ERCC1: variants seen among roughly 807,000 people sequenced by gnomAD.
The protein encoded by ERCC1 is ERCC excision repair 1, endonuclease non-catalytic subunit, also known as DNA excision repair protein ERCC-1.
Under a neutral mutation model 37.6 loss-of-function variants are expected in ERCC1, and 36 were observed. The observed-to-expected ratio is 0.96, with a 90% CI of 0.73 to 1.26. ERCC1 has a LOEUF of 1.26. ERCC1 is among the 50% of genes most tolerant of loss of function. The probability of loss-of-function intolerance (pLI) is 0.00; values close to 1 mark genes in which losing one functional copy is unlikely to be tolerated. For missense variants in ERCC1, 349 were observed against 376.5 expected, an observed-to-expected ratio of 0.93 and a Z score of 0.60; for synonymous variants, 156 against 162.1, an observed-to-expected ratio of 0.96 and a Z score of 0.28.
rs56190529 is a variant in ERCC1 at position 45,423,643 on chromosome 19, C to T, written c.-8+138G>A. The stretch of plus-strand genomic sequence containing the variant: ...ATTCTATTGGCTCCGTCCCCACCAT[C>T]CCCCGCCTTCCGTTCGTCCGGCCCC... On this transcript the variant is annotated intron_variant, in intron 1 of 9. Transcript: ENST00000300853. The T allele has an allele frequency of 5.3e-4, 691 of 1,303,954 alleles. 6 individuals are homozygous for T. In the African/African-American group the frequency reaches 9.2e-3, roughly 17 times the overall value. The allele number at this position is 1,303,954 out of a possible 1,614,324, so 80.8% of individuals were successfully genotyped here. A position where few individuals can be genotyped will look rare whatever the true frequency, so the allele number is the denominator to read the frequency against.
chr19:45,408,849 AG>A lies in ERCC1; in HGVS notation c.*825del. On this transcript the variant is annotated 3_prime_UTR_variant, in exon 10 of 10. Transcript: ENST00000300853. ...CCGACCAAAAAGAGAAAGAGGCAAA[AG>A]GGGACGGAAGGGATGGAGCCAGAGG... 6.2e-7 allele frequency: 1 copy of A among 1,614,146 alleles called. No homozygotes were observed.
chr19:45,417,349 C>T (rs912235237), intron 5 of ERCC1, among the ~76,000 whole-genome samples: 3 of 152,022 alleles, frequency 2.0e-5, no homozygotes, highest in African/African-American at 7.2e-5. Context: ...ATGTGGGAGC[C>T]AGAGGAGGGA....
intron 4 of ERCC1, among the ~76,000 whole-genome samples, chr19:45,419,855 T>C (rs531401984): frequency 1.8e-4 from 27 of 150,610 alleles, no homozygotes; most frequent in African/African-American, 6.4e-4. Flanking sequence ...CCCTCCTCCC[T>C]TAGACCCAGG....
chr19:45,413,306 A>T, intron 9 of ERCC1: 1 of 510,352 alleles, frequency 2.0e-6, no homozygotes, highest in Non-Finnish European at 3.5e-6. Context: ...TCGCTCTGTC[A>T]CCCAGGCTGG....
At chr19:45,429,297 C>T (rs1012355533) in intron 1 of ERCC1, 1 of 152,178 alleles carries the variant, frequency 6.6e-6, no homozygotes, top group Non-Finnish European at 1.5e-5. Flanking sequence ...CTCATCTCTA[C>T]TAAAAACACA....
intron 9 of ERCC1, among the ~76,000 whole-genome samples, chr19:45,411,058 A>G (rs1330499996): frequency 6.6e-6 from 1 of 152,036 alleles, no homozygotes; most frequent in Non-Finnish European, 1.5e-5. Flanking sequence ...TTCTGGCCTC[A>G]AGTGATCTGC....
upstream of ERCC1, chr19:45,423,918 G>T: frequency 9.1e-7 from 1 of 1,099,714 alleles, no homozygotes; most frequent in Non-Finnish European, 1.1e-6. Context: ...CAGCACTTCC[G>T]GCCTCTCTGG....
At position 45,407,678 on chromosome 19, in the gene ERCC1, G is replaced by A. The variant is rs533771641; in HGVS notation, c.*1997C>T. Reference sequence around the variant, plus strand: ...ATAATTGGTGGTCAGCCTGGGATGTGGTTATTTTCAGGCCATAAGCATGAA... The same window carrying A: ...ATAATTGGTGGTCAGCCTGGGATGTAGTTATTTTCAGGCCATAAGCATGAA... On this transcript the variant is annotated 3_prime_UTR_variant, in exon 10 of 10. Transcript: ENST00000300853. 11 of 251,414 alleles carry A rather than the reference G, an allele frequency of 4.4e-5. No homozygotes were observed. The South Asian group carries it at 1.3e-3, about 31-fold the overall frequency. The allele number at this position is 251,414 out of a possible 1,614,324, so 15.6% of individuals were successfully genotyped here.
At position 45,414,044 on chromosome 19, in the gene ERCC1, G is replaced by A. The variant is rs775237042; in HGVS notation, c.703-10C>T. 6.2e-7 allele frequency: 1 copy of A among 1,611,164 alleles called. No homozygotes were observed. The highest frequency in any genetic ancestry group is 8.5e-7 in the Non-Finnish European group (1 of 1,179,096). On this transcript the variant is annotated splice_polypyrimidine_tract_variant and intron_variant, in intron 7 of 9. Coordinates refer to ENST00000300853, the MANE Select transcript of ERCC1 (RefSeq NM_001983.4). The stretch of plus-strand genomic sequence containing the variant: ...TCAGACATTCAGTCACCTGGAAAGG[G>A]TGGAGGCAGGAGTGTGTCGGAAGAA...
chr19:45,416,881 G>C lies in ERCC1; in HGVS notation c.542C>G (p.Ala181Gly). Residue 181 changes from alanine to glycine, a missense_variant, in exon 6 of 10, where the codon GCC becomes GGC. Ala to Gly is a moderately conservative substitution (Grantham distance 60). Coordinates refer to ENST00000300853, the MANE Select transcript of ERCC1 (RefSeq NM_001983.4). ...VQVDVKDPQQ[A>G]LKELAKMCIL... is the part of the protein sequence containing the mutation. Reference sequence around the variant, plus strand: ...ACACATCTTAGCCAGCTCCTTGAGGGCCTGCTGGGGATCTTTCTGGAGGAG... The same window carrying C: ...ACACATCTTAGCCAGCTCCTTGAGGCCCTGCTGGGGATCTTTCTGGAGGAG... 1.2e-6 allele frequency: 2 copies of C among 1,612,832 alleles called. No homozygotes were observed. Among genetic ancestry groups the C allele is most frequent in the African/African-American group, 1.3e-5 (1 of 74,962 alleles).
rs750483122 is a variant in ERCC1, at chr19:45,421,407, G to A, written c.106-14C>T. 3.2e-5 allele frequency: 51 copies of A among 1,590,358 alleles called. No homozygotes were observed. In the Admixed American group the frequency reaches 4.3e-4, roughly 13 times the overall value. ...TAAGGGCTTGGCCTGTGGGGAGAAA[G>A]GGAGTTTGCAGGGGACTGGTTGGGG... is the stretch of plus-strand genomic sequence containing the variant. On this transcript the variant is annotated splice_polypyrimidine_tract_variant and intron_variant, in intron 2 of 9. Coordinates refer to ENST00000300853, the MANE Select transcript of ERCC1 (RefSeq NM_001983.4).
At chr19:45,426,959 T>TAAAAA (rs1555789830), upstream of ERCC1, among the ~76,000 whole-genome samples, 2 of 92,466 alleles carry the variant, frequency 2.2e-5, no homozygotes, top group Admixed American at 1.2e-4. Flanking sequence ...AAACTCCATC[T>TAAAAA]AAAAAAAAAA....
intron 9 of ERCC1, 40 bp downstream of exon 9, chr19:45,413,637 C>T: frequency 6.2e-7 from 1 of 1,614,226 alleles, no homozygotes; most frequent in Non-Finnish European, 8.5e-7. Flanking sequence ...GGGGCTCTCT[C>T]CTTCCCCCAA....
At chr19:45,426,957 T>C (rs1159618413), upstream of ERCC1, among the ~76,000 whole-genome samples, 1 of 63,296 alleles carries the variant, frequency 1.6e-5, no homozygotes, top group African/African-American at 9.1e-5. Context: ...CGAAACTCCA[T>C]CTAAAAAAAA....
In ERCC1 at chr19:45,411,842, A is replaced by C. The variant is rs542106125; in HGVS notation, c.843+1835T>G. 3.6e-4 allele frequency among the ~76,000 whole-genome samples: 51 copies of C among 142,300 alleles called. No individual in the cohort carries two copies. In the East Asian group the frequency reaches 6.3e-3, roughly 18 times the overall value. The allele number at this position is 142,300 out of a possible 152,430, so 93.4% of individuals were successfully genotyped here. A position where few individuals can be genotyped will look rare whatever the true frequency, so the allele number is the denominator to read the frequency against. On this transcript the variant is annotated intron_variant, in intron 9 of 9. Coordinates refer to ENST00000300853, the MANE Select transcript of ERCC1 (RefSeq NM_001983.4). ...AATAGAGCTGAGATGGTATCTCATT[A>C]TAGTTTATTTTTGGTTTTTGGTTTT... is the stretch of plus-strand genomic sequence containing the variant.
rs1340838058 is a variant in ERCC1, at chr19:45,407,647, G to C, written c.*2028C>G. 3.9e-6 allele frequency: 1 copy of C among 255,194 alleles called. No individual in the cohort carries two copies. Among genetic ancestry groups the C allele is most frequent in the African/African-American group, 2.2e-5 (1 of 45,454 alleles). 15.8% of individuals were successfully genotyped at this position (255,194 alleles called of 1,614,324 possible). A position where few individuals can be genotyped will look rare whatever the true frequency, so the allele number is the denominator to read the frequency against. ...TGTTCTGTATGGCCATAAATATTCTGTAATTATAATTGGTGGTCAGCCTGG... is the reference window on the plus strand; with the variant it reads ...TGTTCTGTATGGCCATAAATATTCTCTAATTATAATTGGTGGTCAGCCTGG... On this transcript the variant is annotated 3_prime_UTR_variant, in exon 10 of 10. Coordinates refer to ENST00000300853, the MANE Select transcript of ERCC1 (RefSeq NM_001983.4).
At chr19:45,426,729 T>C (rs1974702478), upstream of ERCC1, among the ~76,000 whole-genome samples, 1 of 151,424 alleles carries the variant, frequency 6.6e-6, no homozygotes, top group African/African-American at 2.4e-5. Context: ...GAGGCCAAGG[T>C]GGGCAGATTG....
rs757913813 is a variant in ERCC1, at chr19:45,409,058, A to T, written c.*617T>A. ...GCCTCTGGAGTCCCCAGGGGGGACCATGGCGCCTCAACAGCCAGAAGGAGC... is the reference window on the plus strand; with the variant it reads ...GCCTCTGGAGTCCCCAGGGGGGACCTTGGCGCCTCAACAGCCAGAAGGAGC... On this transcript the variant is annotated 3_prime_UTR_variant, in exon 10 of 10. Transcript: ENST00000300853. 8 of 1,613,646 alleles carry T rather than the reference A, an allele frequency of 5.0e-6. No homozygotes were observed. In the African/African-American group the frequency reaches 9.3e-5, roughly 19 times the overall value.
intron 5 of ERCC1, 100 bp downstream of exon 5, chr19:45,418,998 C>T (rs138467709): frequency 7.2e-6 from 6 of 832,802 alleles, no homozygotes; most frequent in Middle Eastern, 2.2e-4. Context: ...AAACGTTCCT[C>T]GCTGAGGTTT....
Sources: allele counts gnomAD v4.1 joint callset (sites outside exome capture counted in the v4.1 genomes callset), GRCh38; gene constraint gnomAD v4.1.1; transcripts MANE v1.5; gene names NCBI Gene and HGNC (gene_info 2026-07-23, HGNC 2026-07-21).